The following GRM7 variants were observed in gnomAD, a reference collection of about 807,000 sequenced individuals.
GRM7 encodes glutamate metabotropic receptor 7.
GRM7 carries 35 observed loss-of-function variants against 84.5 expected under a neutral mutation model. The ratio of observed to expected loss-of-function variants is 0.41; its 90% CI spans 0.32 to 0.55. The LOEUF is 0.55. Ranked by LOEUF, GRM7 falls within the 20% of genes least tolerant of loss-of-function variation. GRM7 has a pLI of 0.19. For missense variants in GRM7, 1,003 were observed against 1,194.6 expected (o/e 0.84, Z 2.36); for synonymous variants, 487 against 455.1 (o/e 1.07, Z -0.89).
At chr3:7,452,460 C>A in intron 5 of GRM7, 147 bp from the exon 6 acceptor site, 1 of 639,188 alleles carries the variant, frequency 1.6e-6, no homozygotes, top group Non-Finnish European at 2.8e-6. Context: ...ACGTGGTAGG[C>A]AAATGTGGCT....
intron 8 of GRM7, among the ~76,000 whole-genome samples, chr3:7,614,913 T>G (rs192612753): frequency 2.6e-5 from 4 of 152,328 alleles, no homozygotes; most frequent in Admixed American, 1.3e-4. Flanking sequence ...TTATTCTTTC[T>G]GACTCTCCAC....
At chr3:7,301,956 T>A (rs186128024) in intron 3 of GRM7, among the ~76,000 whole-genome samples, 12 of 152,288 alleles carry the variant, frequency 7.9e-5, no homozygotes, top group Admixed American at 3.9e-4. Flanking sequence ...AAAGCTAAGA[T>A]AAGTGCTAAA....
chr3:7,060,855 G>C (rs1559413109), intron 1 of GRM7, among the ~76,000 whole-genome samples: 1 of 151,706 alleles, frequency 6.6e-6, no homozygotes, highest in East Asian at 1.9e-4. Flanking sequence ...ATATGTTGAT[G>C]TTTTTGTGTC....
chr3:7,415,181 G>T lies in GRM7; in HGVS notation c.1174+18G>T, dbSNP rs1262688551. The T allele has an allele frequency of 6.8e-6, 11 of 1,607,786 alleles. No homozygotes were observed. The highest frequency in any genetic ancestry group is 9.4e-6 in the Non-Finnish European group (11 of 1,174,654). On this transcript the variant is annotated intron_variant, in intron 5 of 9. Transcript: ENST00000357716. ...ATGCACAGGTAATTTAATTCTCGTTGTCCTTCTCCTATTACTCTACGTGGC... is the reference window on the plus strand; with the variant it reads ...ATGCACAGGTAATTTAATTCTCGTTTTCCTTCTCCTATTACTCTACGTGGC...
At chr3:7,272,258 A>T (rs1339260776) in intron 2 of GRM7, among the ~76,000 whole-genome samples, 1 of 152,126 alleles carries the variant, frequency 6.6e-6, no homozygotes, top group African/African-American at 2.4e-5. Context: ...CTGCCATACA[A>T]TGCAGGTAAA....
At chr3:7,433,062 G>T (rs115626889) in intron 5 of GRM7, among the ~76,000 whole-genome samples, 1,527 of 152,272 alleles carry the variant, frequency 0.01, 25 homozygotes, top group African/African-American at 0.033. Flanking sequence ...AAGGAAAGTA[G>T]AGAGGAAGGA....
chr3:7,234,936 G>C lies in GRM7; in HGVS notation c.737-63748G>C, dbSNP rs537676641. On this transcript the variant is annotated intron_variant, in intron 2 of 9. Transcript: ENST00000357716. ...TTTCCTTTGACCCATTTTACAACAG[G>C]CTTCTGCAAAATAATGTTCATCCAT... Among the ~76,000 whole-genome samples the C allele has an allele frequency of 1.5e-4, 23 of 152,210 alleles. No homozygotes were observed. The South Asian group carries it at 3.9e-3, about 26-fold the overall frequency.
chr3:7,451,699 A>G (rs1417250679), intron 5 of GRM7: 1 of 152,058 alleles, frequency 6.6e-6, no homozygotes, highest in Non-Finnish European at 1.5e-5. Context: ...TCATAAGGAT[A>G]AAAAAAATTA....
chr3:7,472,684 C>G (rs1265955683), intron 7 of GRM7, among the ~76,000 whole-genome samples: 1 of 152,162 alleles, frequency 6.6e-6, no homozygotes, highest in African/African-American at 2.4e-5. Flanking sequence ...AACAAACTCA[C>G]CACTTCCAGA....
intron 1 of GRM7, among the ~76,000 whole-genome samples, chr3:7,126,532 G>T (rs566558294): frequency 3.9e-5 from 6 of 152,306 alleles, no homozygotes; most frequent in Non-Finnish European, 7.3e-5. Flanking sequence ...GCTTGGAAAT[G>T]CCTAGGCATT....
chr3:7,077,742 T>G (rs1447791060), intron 1 of GRM7, among the ~76,000 whole-genome samples: 1 of 151,916 alleles, frequency 6.6e-6, no homozygotes, highest in Non-Finnish European at 1.5e-5. Context: ...AAAGATTTTA[T>G]AAATAAAAAA....
At position 7,680,286 on chromosome 3, in the gene GRM7, G is replaced by A. The variant is rs1166925918; in HGVS notation, c.2689G>A (p.Asp897Asn). Residue 897 changes from aspartate (D) to asparagine (N), a missense_variant, in exon 9 of 10, where the codon GAC (aspartate) becomes AAC (asparagine). Around this residue, in one of 2 missense-constraint regions of GRM7, gnomAD observed 910 missense variants for 1,126.0 expected, o/e 0.81. Coordinates refer to ENST00000357716, the MANE Select transcript of GRM7 (RefSeq NM_000844.4). ...AAAGACCGAGCTCTGTGAAAACGTA[G>A]ACCCAAACAGTAAGTAACTCTCCGT... ...EAKTELCENV[D>N]PNSPAAKKKY... 2 of 1,613,998 alleles carry A rather than the reference G, an allele frequency of 1.2e-6. No homozygotes were observed. Among genetic ancestry groups the A allele is most frequent in the Non-Finnish European group, 1.7e-6 (2 of 1,180,000 alleles).
intron 9 of GRM7, among the ~76,000 whole-genome samples, chr3:7,684,534 C>T (rs994643098): frequency 6.6e-6 from 1 of 152,204 alleles, no homozygotes; most frequent in East Asian, 1.9e-4. Context: ...CATGCTTCTA[C>T]TCATCCAACT....
At chr3:6,888,966 C>G (rs528200042) in intron 1 of GRM7, among the ~76,000 whole-genome samples, 2 of 152,114 alleles carry the variant, frequency 1.3e-5, no homozygotes, top group South Asian at 2.1e-4. Flanking sequence ...AAGTTGGATT[C>G]CTAGGTATTT....
At chr3:6,925,446 C>G (rs1339427295) in intron 1 of GRM7, among the ~76,000 whole-genome samples, 1 of 107,020 alleles carries the variant, frequency 9.3e-6, no homozygotes, top group Admixed American at 8.5e-5. Context: ...AAAATCGAAT[C>G]AATCAATCAA....
chr3:6,932,751 C>CTTTTTTTTTTTTT (rs35962540), intron 1 of GRM7, among the ~76,000 whole-genome samples: 1 of 93,814 alleles, frequency 1.1e-5, no homozygotes, highest in Non-Finnish European at 2.0e-5. Flanking sequence ...TTCTTTCTCT[C>CTTTTTTTTTTTTT]TTTTTTTTTT....
At chr3:6,916,566 T>C (rs1158320620) in intron 1 of GRM7, among the ~76,000 whole-genome samples, 1 of 152,144 alleles carries the variant, frequency 6.6e-6, no homozygotes, top group Non-Finnish European at 1.5e-5. Flanking sequence ...CAGTGTCTGG[T>C]GAGGGCTCTC....
intron 4 of GRM7, among the ~76,000 whole-genome samples, chr3:7,315,421 C>T (rs78111359): frequency 0.091 from 13,817 of 152,228 alleles, 854 homozygotes; most frequent in Non-Finnish European, 0.14. Flanking sequence ...ATATTGCATG[C>T]CTCAACTTTA....
At chr3:7,653,836 G>A (rs572306358) in intron 8 of GRM7, among the ~76,000 whole-genome samples, 1 of 152,072 alleles carries the variant, frequency 6.6e-6, no homozygotes, top group South Asian at 2.1e-4. Flanking sequence ...GAGTAGACAG[G>A]GTAGGTAAAG....
Sources: gnomAD v4.1 joint callset for allele counts (sites outside exome capture counted in the v4.1 genomes callset) on GRCh38, gnomAD v4.1.1 for gene constraint, gnomAD v4.1.1 regional missense constraint, MANE v1.5 for transcripts, NCBI Gene and HGNC (gene_info 2026-07-23, HGNC 2026-07-21) for gene names.